PARD3B: variants seen among roughly 807,000 people sequenced by gnomAD.
PARD3B encodes partitioning defective 3 homolog B.
Under a neutral mutation model 130.2 loss-of-function variants are expected in PARD3B, and 103 were observed. That is an observed-to-expected ratio of 0.79 (90% CI 0.67 to 0.93). PARD3B has a LOEUF of 0.93. Among genes scored for constraint, PARD3B ranks in the 40% least tolerant of loss-of-function variants. The pLI is 0.00. For synonymous variants in PARD3B, 583 were observed against 553.2 expected, an observed-to-expected ratio of 1.05 and a Z score of -0.76; for missense variants, 1,609 against 1,499.2, an observed-to-expected ratio of 1.07 and a Z score of -1.21.
rs372048332 is a variant in PARD3B, at chr2:204,614,003, CTG to C, written c.120+67888_120+67889del. On this transcript the variant is annotated intron_variant, in intron 1 of 22. Coordinates refer to ENST00000406610, the MANE Select transcript of PARD3B (RefSeq NM_001302769.2). ...TGGTGGTTTTCCCTGTGAGGTAATT[CTG>C]TGTCTTGTTGGGCCCCTTAAATGTC... Among the ~76,000 whole-genome samples the C allele has an allele frequency of 4.7e-3, 715 of 151,858 alleles. 6 individuals carry two copies. The highest frequency in any genetic ancestry group is 0.016 in the African/African-American group (653 of 41,410).
intron 4 of PARD3B, among the ~76,000 whole-genome samples, chr2:205,089,283 G>C (rs1701951168): frequency 6.6e-6 from 1 of 151,804 alleles, no homozygotes; most frequent in Non-Finnish European, 1.5e-5. Flanking sequence ...CGATTCTCCT[G>C]CCTCAGCCTC....
chr2:204,646,616 A>C (rs1184267431), intron 1 of PARD3B, among the ~76,000 whole-genome samples: 1 of 152,020 alleles, frequency 6.6e-6, no homozygotes, highest in Admixed American at 6.6e-5. Context: ...GTGTACATAC[A>C]TTATCTTCCT....
intron 2 of PARD3B, among the ~76,000 whole-genome samples, chr2:204,807,859 G>A (rs2042830276): frequency 4.0e-5 from 6 of 151,852 alleles, no homozygotes; most frequent in Admixed American, 3.9e-4. Context: ...GGGGTTGGGG[G>A]TAGTGGGGAT....
chr2:205,478,482 G>A (rs73055966), intron 20 of PARD3B, among the ~76,000 whole-genome samples: 6,591 of 152,164 alleles, frequency 0.043, 437 homozygotes, highest in African/African-American at 0.14. Context: ...TATTCCTAAC[G>A]TCATAGTCTA....
intron 13 of PARD3B, among the ~76,000 whole-genome samples, chr2:205,179,497 A>G (rs867387508): frequency 3.3e-5 from 5 of 152,060 alleles, no homozygotes; most frequent in South Asian, 2.1e-4. Context: ...TTTATACTGG[A>G]TTTTCACTGT....
intron 22 of PARD3B, among the ~76,000 whole-genome samples, chr2:205,580,331 G>A (rs541929927): frequency 2.0e-5 from 3 of 152,172 alleles, no homozygotes; most frequent in African/African-American, 7.2e-5. Context: ...TTCAGCAGAG[G>A]GCCCCTGGAA....
intron 4 of PARD3B, among the ~76,000 whole-genome samples, chr2:205,062,038 C>T (rs1185849477): frequency 2.0e-5 from 3 of 152,120 alleles, no homozygotes; most frequent in East Asian, 3.9e-4. Context: ...TTCCCTTGTA[C>T]GCTTCTCTAA....
intron 2 of PARD3B, among the ~76,000 whole-genome samples, chr2:204,694,881 C>T (rs2037536577): frequency 6.6e-6 from 1 of 152,090 alleles, no homozygotes; most frequent in African/African-American, 2.4e-5. Flanking sequence ...AATTTGTTTG[C>T]TTGTTGTGTA....
chr2:205,009,995 C>T (rs1180503579), intron 3 of PARD3B, among the ~76,000 whole-genome samples: 1 of 152,052 alleles, frequency 6.6e-6, no homozygotes, highest in East Asian at 1.9e-4. Flanking sequence ...TATTTGTTTT[C>T]ATTTTATAGA....
rs1211691176 is a variant in PARD3B at position 205,366,614 on chromosome 2, C to T, written c.2631-34399C>T. Among the ~76,000 whole-genome samples, 2 of 152,188 alleles carry T rather than the reference C, an allele frequency of 1.3e-5. No individual in the cohort carries two copies. Among genetic ancestry groups the T allele is most frequent in the African/African-American group, 4.8e-5 (2 of 41,442 alleles). On this transcript the variant is annotated intron_variant, in intron 18 of 22. Coordinates refer to ENST00000406610, the MANE Select transcript of PARD3B (RefSeq NM_001302769.2). This position sits in a 1 kb window ranked among gnomAD's most constrained non-coding sequence, Gnocchi z 5.0. ...GTATTGCTTTATCTTATCATGCTAC[C>T]TGTCAGCATACAGATGACACTCAAA... is the stretch of plus-strand genomic sequence containing the variant.
chr2:204,796,905 T>G (rs932345079), intron 2 of PARD3B, among the ~76,000 whole-genome samples: 1 of 152,190 alleles, frequency 6.6e-6, no homozygotes, highest in African/African-American at 2.4e-5. Context: ...ATTAAGAAGT[T>G]TATTCATGCC....
intron 3 of PARD3B, among the ~76,000 whole-genome samples, chr2:205,034,343 C>T (rs923006503): frequency 2.0e-5 from 3 of 152,174 alleles, no homozygotes; most frequent in Non-Finnish European, 4.4e-5. Context: ...CTTTCTCTCT[C>T]ACATTCTTGT....
intron 2 of PARD3B, among the ~76,000 whole-genome samples, chr2:204,781,791 T>C (rs551165582): frequency 6.6e-6 from 1 of 152,272 alleles, no homozygotes; most frequent in East Asian, 1.9e-4. Flanking sequence ...ACATCATACA[T>C]GCTCTTTGCA....
chr2:204,962,496 G>T (rs908906023), intron 2 of PARD3B, among the ~76,000 whole-genome samples: 3 of 152,128 alleles, frequency 2.0e-5, no homozygotes, highest in African/African-American at 7.2e-5. Context: ...TAAAGGCAAG[G>T]AGGGAAGGCC....
intron 2 of PARD3B, among the ~76,000 whole-genome samples, chr2:204,795,046 G>T (rs998146058): frequency 6.6e-6 from 1 of 152,212 alleles, no homozygotes; most frequent in African/African-American, 2.4e-5. Flanking sequence ...AGAGAAAGTA[G>T]ATAGAAATAT....
chr2:204,692,966 CT>C (rs2037426175), intron 2 of PARD3B, among the ~76,000 whole-genome samples: 1 of 152,010 alleles, frequency 6.6e-6, no homozygotes, highest in Non-Finnish European at 1.5e-5. Flanking sequence ...GAGTCCATTT[CT>C]GCATTTCCTC....
At chr2:204,893,165 A>C (rs1298833275) in intron 2 of PARD3B, among the ~76,000 whole-genome samples, 1 of 152,156 alleles carries the variant, frequency 6.6e-6, no homozygotes, top group Non-Finnish European at 1.5e-5. Flanking sequence ...CACCCAAATG[A>C]AGAAAGTATT....
chr2:205,325,546 A>AGTAGTC lies in PARD3B; in HGVS notation c.2630+23847_2630+23848insAGTCGT, dbSNP rs2042911260. ...GTTTATTAGTAGTAGTAGTAGTAGTAGTCTCAGAGTCTTCCTCTATTGCCC... is the reference window on the plus strand; with the variant it reads ...GTTTATTAGTAGTAGTAGTAGTAGTAGTAGTCGTCTCAGAGTCTTCCTCTATTGCCC... On this transcript the variant is annotated intron_variant, in intron 18 of 22. Coordinates refer to ENST00000406610, the MANE Select transcript of PARD3B (RefSeq NM_001302769.2). The surrounding 1 kb of genome is among the most constrained non-coding windows in gnomAD (Gnocchi z 4.1). Among the ~76,000 whole-genome samples, 1 of 151,852 alleles carries AGTAGTC rather than the reference A, an allele frequency of 6.6e-6. No individual in the cohort carries two copies. The highest frequency in any genetic ancestry group is 1.5e-5 in the Non-Finnish European group (1 of 67,974).
chr2:205,273,317 C>A (rs548075264), intron 16 of PARD3B, among the ~76,000 whole-genome samples: 1 of 148,982 alleles, frequency 6.7e-6, no homozygotes, highest in Admixed American at 6.7e-5. Context: ...CTATCCATTT[C>A]TTCTTTGCAT....
Sources: gnomAD v4.1 joint callset for allele counts (sites outside exome capture counted in the v4.1 genomes callset) on GRCh38, gnomAD v4.1.1 for gene constraint, Gnocchi (gnomAD v3.1) non-coding constraint, MANE v1.5 for transcripts, NCBI Gene and HGNC (gene_info 2026-07-23, HGNC 2026-07-21) for gene names.